Variants in BMPR1B observed in about 807,000 individuals in gnomAD.
The protein encoded by BMPR1B is bone morphogenetic protein receptor type-1B.
Under a neutral mutation model 59.1 loss-of-function variants are expected in BMPR1B, and 12 were observed. That is an observed-to-expected ratio of 0.20 (90% confidence interval 0.13 to 0.33). The LOEUF is 0.33. Ranked by LOEUF, BMPR1B falls within the 10% of genes least tolerant of loss-of-function variation. The pLI is 1.00. For missense variants in BMPR1B, 550 were observed against 610.9 expected (o/e 0.90, Z 1.05); for synonymous variants, 237 against 207.3 (o/e 1.14, Z -1.23).
chr4:95,004,498 C>A (rs1039663611), intron 3 of BMPR1B, among the ~76,000 whole-genome samples: 3 of 152,084 alleles, frequency 2.0e-5, no homozygotes, highest in Admixed American at 6.6e-5. Flanking sequence ...TTATATTCCT[C>A]ATTTTCCAGT....
chr4:94,823,883 G>A (rs1228490804), intron 1 of BMPR1B, among the ~76,000 whole-genome samples: 1 of 152,114 alleles, frequency 6.6e-6, no homozygotes, highest in East Asian at 1.9e-4. Context: ...AAGTAGCTGG[G>A]ACTACAGGTG....
At chr4:95,045,041 C>A (rs921089456) in intron 3 of BMPR1B, among the ~76,000 whole-genome samples, 6 of 151,992 alleles carry the variant, frequency 3.9e-5, no homozygotes, top group African/African-American at 1.2e-4. Flanking sequence ...TTGGTAGGAC[C>A]TAAAAGGCTG....
chr4:95,027,032 T>A (rs578152571), intron 3 of BMPR1B, among the ~76,000 whole-genome samples: 76 of 152,012 alleles, frequency 5.0e-4, no homozygotes, highest in Non-Finnish European at 9.9e-4. Flanking sequence ...CCCAAGGTGC[T>A]GGGATTAAAG....
intron 2 of BMPR1B, among the ~76,000 whole-genome samples, chr4:94,964,697 G>T (rs1477179569): frequency 6.6e-6 from 1 of 152,162 alleles, no homozygotes; most frequent in Non-Finnish European, 1.5e-5. Context: ...GGAAACCACT[G>T]TTAGAATGGA....
At chr4:94,759,774 C>T (rs542061273) in intron 1 of BMPR1B, among the ~76,000 whole-genome samples, 1 of 152,290 alleles carries the variant, frequency 6.6e-6, no homozygotes, top group Admixed American at 6.5e-5. Flanking sequence ...AAGGATGTTA[C>T]ATCTTAGTGA....
rs186753977 is a variant in BMPR1B at position 95,156,380 on chromosome 4, A to G, written c.*1707A>G. The G allele has an allele frequency of 4.0e-5, 6 of 151,064 alleles. No homozygotes were observed. Among genetic ancestry groups the G allele is most frequent in the African/African-American group, 1.5e-4 (6 of 41,110 alleles). The allele number at this position is 151,064 out of a possible 1,614,324, so 9.4% of individuals were successfully genotyped here. ...TCCAGGGGGCAGTGTTTTATAACAC[A>G]TTTTCCCCACTGGGTGATTGAAGGA... On this transcript the variant is annotated 3_prime_UTR_variant, in exon 13 of 13. Coordinates refer to ENST00000515059, the MANE Select transcript of BMPR1B (RefSeq NM_001203.3).
intron 2 of BMPR1B, among the ~76,000 whole-genome samples, chr4:94,991,382 A>T (rs1235016491): frequency 3.9e-5 from 6 of 152,194 alleles, no homozygotes; most frequent in Non-Finnish European, 7.3e-5. Flanking sequence ...TGCATTCATT[A>T]TGTAGAAGGC....
intron 1 of BMPR1B, among the ~76,000 whole-genome samples, chr4:94,854,289 G>A (rs1177285620): frequency 6.6e-6 from 1 of 152,092 alleles, no homozygotes; most frequent in Non-Finnish European, 1.5e-5. Flanking sequence ...AGTGCATTTT[G>A]AAAAATAATG....
chr4:94,800,659 C>T (rs906642114), intron 1 of BMPR1B, among the ~76,000 whole-genome samples: 4 of 152,042 alleles, frequency 2.6e-5, no homozygotes, highest in Admixed American at 2.0e-4. Flanking sequence ...CTTTGGTGTC[C>T]TCAGCAGTAA....
At chr4:94,852,308 A>G (rs1725597942) in intron 1 of BMPR1B, among the ~76,000 whole-genome samples, 1 of 152,170 alleles carries the variant, frequency 6.6e-6, no homozygotes, top group Non-Finnish European at 1.5e-5. Flanking sequence ...TATTTGGAAG[A>G]AAAGTTATTT....
intron 3 of BMPR1B, among the ~76,000 whole-genome samples, chr4:95,060,273 C>A (rs1402743226): frequency 6.6e-6 from 1 of 152,174 alleles, no homozygotes; most frequent in African/African-American, 2.4e-5. Context: ...TCAGTTTATT[C>A]TTTCCCTACA....
At chr4:94,912,193 G>C (rs62316215) in intron 2 of BMPR1B, among the ~76,000 whole-genome samples, 1 of 152,014 alleles carries the variant, frequency 6.6e-6, no homozygotes, top group Admixed American at 6.6e-5. Context: ...CTCCCACCGG[G>C]TCCCTCCAAC....
At chr4:95,103,715 C>A (rs1286495386) in intron 3 of BMPR1B, among the ~76,000 whole-genome samples, 2 of 152,040 alleles carry the variant, frequency 1.3e-5, no homozygotes, top group Non-Finnish European at 2.9e-5. Flanking sequence ...TCTAAGAGAT[C>A]ATGTCTACCA....
chr4:94,907,429 GT>G (rs1488669885), intron 2 of BMPR1B, among the ~76,000 whole-genome samples: 3 of 152,050 alleles, frequency 2.0e-5, no homozygotes, highest in African/African-American at 7.2e-5. Context: ...TTGGTTGTCT[GT>G]TCTATGTTAG....
chr4:95,015,817 C>T lies in BMPR1B; in HGVS notation c.-18+19683C>T, dbSNP rs572875358. 1.2e-4 allele frequency among the ~76,000 whole-genome samples: 19 copies of T among 152,166 alleles called. No individual in the cohort carries two copies. The South Asian group carries it at 3.7e-3, about 30-fold the overall frequency. On this transcript the variant is annotated intron_variant, in intron 3 of 12. Transcript: ENST00000515059. Reference sequence around the variant, plus strand: ...AAGTGATTCTCCTGCCTCAGCCTCCCGAATAGCTGGGATTACAGGCACATG... The same window carrying T: ...AAGTGATTCTCCTGCCTCAGCCTCCTGAATAGCTGGGATTACAGGCACATG...
intron 10 of BMPR1B, among the ~76,000 whole-genome samples, chr4:95,137,156 C>A (rs1370183601): frequency 1.3e-5 from 2 of 152,162 alleles, no homozygotes; most frequent in African/African-American, 4.8e-5. Context: ...TTTCTGCCTT[C>A]ATTTCGTTAT....
At chr4:95,029,261 C>A in intron 3 of BMPR1B, among the ~76,000 whole-genome samples, 1 of 133,126 alleles carries the variant, frequency 7.5e-6, no homozygotes. Context: ...CCCCACCCCA[C>A]AACAGTCCCC....
chr4:94,986,293 T>C (rs1721401755), intron 2 of BMPR1B, among the ~76,000 whole-genome samples: 1 of 152,174 alleles, frequency 6.6e-6, no homozygotes, highest in Non-Finnish European at 1.5e-5. Context: ...CCTCTGTTCT[T>C]GCTCAGTCTA....
At chr4:94,910,870 C>T (rs2149011834) in intron 2 of BMPR1B, among the ~76,000 whole-genome samples, 1 of 152,172 alleles carries the variant, frequency 6.6e-6, no homozygotes, top group South Asian at 2.1e-4. Context: ...TGTGATGGTG[C>T]CACTGAACTC....
Sources: gnomAD v4.1 joint callset for allele counts (sites outside exome capture counted in the v4.1 genomes callset) on GRCh38, gnomAD v4.1.1 for gene constraint, MANE v1.5 for transcripts, NCBI Gene and HGNC (gene_info 2026-07-23, HGNC 2026-07-21) for gene names.